The following DCDC2 variants were observed in gnomAD, a reference collection of about 807,000 sequenced individuals.
DCDC2 encodes doublecortin domain-containing protein 2.
In DCDC2, 40 loss-of-function variants were observed where a neutral mutation model predicts 50.2. The ratio of observed to expected loss-of-function variants is 0.80; its 90% CI spans 0.62 to 1.04. The LOEUF (loss-of-function observed/expected upper bound fraction) is 1.04. Among genes scored for constraint, DCDC2 ranks in the 50% least tolerant of loss-of-function variants. The pLI is 0.00. For missense variants in DCDC2, 570 were observed against 581.9 expected (o/e 0.98, Z 0.21); for synonymous variants, 234 against 210.6 (o/e 1.11, Z -0.96).
intron 2 of DCDC2, among the ~76,000 whole-genome samples, chr6:24,311,018 C>T (rs983961932): frequency 5.3e-5 from 8 of 152,182 alleles, no homozygotes; most frequent in Non-Finnish European, 1.2e-4. Context: ...CATCTTTCCT[C>T]TCTCATCCAA....
intron 7 of DCDC2, among the ~76,000 whole-genome samples, chr6:24,273,527 C>T (rs535984348): frequency 2.0e-5 from 3 of 152,338 alleles, no homozygotes; most frequent in African/African-American, 7.2e-5. Context: ...GCTTATTAAA[C>T]AACACTAGTG....
At chr6:24,304,113 T>A (rs1759428208) in intron 2 of DCDC2, among the ~76,000 whole-genome samples, 1 of 152,196 alleles carries the variant, frequency 6.6e-6, no homozygotes, top group African/African-American at 2.4e-5. Flanking sequence ...AGTAACTTTT[T>A]TTCATTTTAA....
At chr6:24,224,232 C>CCATT (rs962284690) in intron 7 of DCDC2, among the ~76,000 whole-genome samples, 43 of 152,264 alleles carry the variant, frequency 2.8e-4, no homozygotes, top group Non-Finnish European at 3.5e-4. Flanking sequence ...ATTCATTCAT[C>CCATT]CATTCATTCA....
At position 24,256,733 on chromosome 6, in the gene DCDC2, T is replaced by C. The variant is rs1226702033; in HGVS notation, c.922+21316A>G. On this transcript the variant is annotated intron_variant, in intron 7 of 9. Coordinates refer to ENST00000378454, the MANE Select transcript of DCDC2 (RefSeq NM_016356.5). ...AGAAATTAGAAATGTAAATAACCTT[T>C]AGTCCAAAGTGGCTTTTAAATCCTC... Among the ~76,000 whole-genome samples the C allele has an allele frequency of 3.9e-5, 6 of 152,346 alleles. No individual in the cohort carries two copies. In the East Asian group the frequency reaches 1.2e-3, roughly 29 times the overall value.
At chr6:24,311,825 T>TTGAC (rs1017134649) in intron 2 of DCDC2, among the ~76,000 whole-genome samples, 3 of 152,198 alleles carry the variant, frequency 2.0e-5, no homozygotes, top group African/African-American at 4.8e-5. Context: ...CTGTCTCCCC[T>TTGAC]TGACTACTAT....
chr6:24,349,115 G>T, intron 2 of DCDC2, among the ~76,000 whole-genome samples: 1 of 152,074 alleles, frequency 6.6e-6, no homozygotes, highest in Middle Eastern at 3.2e-3. Context: ...TGAGGTGCAG[G>T]AATGAAGAGT....
intron 2 of DCDC2, among the ~76,000 whole-genome samples, chr6:24,334,001 G>A (rs925431502): frequency 1.4e-4 from 21 of 152,180 alleles, no homozygotes; most frequent in African/African-American, 5.1e-4. Context: ...GAACATAGGA[G>A]GAAAGTCAGG....
At chr6:24,238,362 G>C (rs138081808) in intron 7 of DCDC2, among the ~76,000 whole-genome samples, 3 of 150,758 alleles carry the variant, frequency 2.0e-5, no homozygotes, top group East Asian at 2.0e-4. Context: ...GTGGTGGCAC[G>C]ATCTTGGCTC....
At chr6:24,223,657 G>A (rs150877161) in intron 7 of DCDC2, among the ~76,000 whole-genome samples, 140 of 152,194 alleles carry the variant, frequency 9.2e-4, no homozygotes, top group African/African-American at 3.2e-3. Context: ...TTGCATATCC[G>A]ACTTACCTCT....
At chr6:24,279,984 C>T (rs1489898483) in intron 6 of DCDC2, among the ~76,000 whole-genome samples, 1 of 152,202 alleles carries the variant, frequency 6.6e-6, no homozygotes, top group Non-Finnish European at 1.5e-5. Context: ...TCATATCAAA[C>T]TCACACCGTA....
intron 8 of DCDC2, among the ~76,000 whole-genome samples, chr6:24,190,927 C>T (rs1761299073): frequency 6.6e-6 from 1 of 152,084 alleles, no homozygotes; most frequent in Non-Finnish European, 1.5e-5. Context: ...AATTAGAAGC[C>T]CCTCATCTTC....
At chr6:24,302,258 T>G (rs1759393047) in intron 2 of DCDC2, among the ~76,000 whole-genome samples, 1 of 142,696 alleles carries the variant, frequency 7.0e-6, no homozygotes, top group Non-Finnish European at 1.5e-5. Flanking sequence ...AAGGAAAATT[T>G]CCCTTAAGCC....
chr6:24,347,738 A>C (rs939621396), intron 2 of DCDC2, among the ~76,000 whole-genome samples: 3 of 152,212 alleles, frequency 2.0e-5, no homozygotes, highest in African/African-American at 7.2e-5. Context: ...GCATTCATTC[A>C]ATATAGCTGC....
At chr6:24,358,867 A>AT (rs1760548398), upstream of DCDC2, among the ~76,000 whole-genome samples, 1 of 18,622 alleles carries the variant, frequency 5.4e-5, no homozygotes, top group Non-Finnish European at 8.1e-5. Context: ...TAATATATAT[A>AT]ATATATATGT....
intron 4 of DCDC2, among the ~76,000 whole-genome samples, chr6:24,300,779 GTA>G (rs1759355059): frequency 6.6e-6 from 1 of 152,166 alleles, no homozygotes; most frequent in South Asian, 2.1e-4. Flanking sequence ...TTGTGCACAT[GTA>G]TATGTTATTT....
chr6:24,281,492 A>G (rs1463811811), intron 6 of DCDC2, among the ~76,000 whole-genome samples: 1 of 149,798 alleles, frequency 6.7e-6, no homozygotes, highest in African/African-American at 2.4e-5. Context: ...TTTAAGAAAA[A>G]AAAAAAAAAA....
intron 7 of DCDC2, among the ~76,000 whole-genome samples, chr6:24,275,866 AT>A (rs10685261): frequency 0.092 from 9,909 of 107,940 alleles, 473 homozygotes; most frequent in African/African-American, 0.18. Context: ...CAATAATTCA[AT>A]TTTTTTTTTT....
At chr6:24,368,398 T>C in the DCDC2 span, among the ~76,000 whole-genome samples, 1 of 152,088 alleles carries the variant, frequency 6.6e-6, no homozygotes, top group Non-Finnish European at 1.5e-5. Flanking sequence ...TAGGATATCG[T>C]AGTGATTCTG....
At position 24,180,441 on chromosome 6, in the gene DCDC2, C is replaced by T. The variant is rs541880864; in HGVS notation, c.1024-1809G>A. On this transcript the variant is annotated intron_variant, in intron 8 of 9. Coordinates refer to ENST00000378454, the MANE Select transcript of DCDC2 (RefSeq NM_016356.5). ...CTGGGACTACAGGCGCCCGCCACCA[C>T]GCCCGGCTAAATTTTTTGTGTGTTT... 2.6e-5 allele frequency among the ~76,000 whole-genome samples: 4 copies of T among 152,040 alleles called. No individual in the cohort carries two copies. The South Asian group carries it at 6.2e-4, about 24-fold the overall frequency.
Sources: allele counts gnomAD v4.1 joint callset (sites outside exome capture counted in the v4.1 genomes callset), GRCh38; gene constraint gnomAD v4.1.1; transcripts MANE v1.5; gene names NCBI Gene and HGNC (gene_info 2026-07-23, HGNC 2026-07-21).